The following FNDC3B variants were observed in gnomAD, a reference collection of about 807,000 sequenced individuals.
FNDC3B encodes the protein fibronectin type III domain-containing protein 3B.
FNDC3B carries 12 observed loss-of-function variants against 151.5 expected under a neutral mutation model. The observed-to-expected ratio is 0.08, with a 90% CI of 0.05 to 0.13. FNDC3B has a LOEUF of 0.13. Among genes scored for constraint, FNDC3B ranks in the 10% least tolerant of loss-of-function variants. The probability of loss-of-function intolerance (pLI) is 1.00; values close to 1 mark genes in which losing one functional copy is unlikely to be tolerated. For missense variants in FNDC3B, 1,214 were observed against 1,505.3 expected, an observed-to-expected ratio of 0.81 and a Z score of 3.20; for synonymous variants, 528 against 549.0, an observed-to-expected ratio of 0.96 and a Z score of 0.54.
At chr3:172,174,163 C>T (rs190303182) in intron 3 of FNDC3B, among the ~76,000 whole-genome samples, 116 of 152,252 alleles carry the variant, frequency 7.6e-4, no homozygotes, top group African/African-American at 2.7e-3. Context: ...TACCAAAGAG[C>T]GAATTCATTA....
chr3:172,220,007 C>T (rs1436839389), intron 3 of FNDC3B, among the ~76,000 whole-genome samples: 1 of 152,172 alleles, frequency 6.6e-6, no homozygotes, highest in Non-Finnish European at 1.5e-5. Context: ...GTTACTTTTG[C>T]ACCAACCTAA....
intron 4 of FNDC3B, among the ~76,000 whole-genome samples, chr3:172,239,088 C>T (rs1299221898): frequency 6.6e-6 from 1 of 150,848 alleles, no homozygotes; most frequent in Non-Finnish European, 1.5e-5. Context: ...CTTTCTTATT[C>T]ATTTACTCAT....
At chr3:172,372,868 T>C (rs889887590) in intron 23 of FNDC3B, among the ~76,000 whole-genome samples, 1 of 152,196 alleles carries the variant, frequency 6.6e-6, no homozygotes. Flanking sequence ...GCATTGACTC[T>C]TAAAACAATC....
intron 1 of FNDC3B, among the ~76,000 whole-genome samples, chr3:172,101,525 T>C (rs1303046385): frequency 2.0e-5 from 3 of 152,250 alleles, no homozygotes; most frequent in African/African-American, 7.2e-5. Flanking sequence ...TGATGTTATT[T>C]TATAAGGTAC....
chr3:172,220,469 G>T (rs1043813697), intron 3 of FNDC3B, among the ~76,000 whole-genome samples: 1 of 152,090 alleles, frequency 6.6e-6, no homozygotes, highest in Admixed American at 6.5e-5. Flanking sequence ...TCTATAGGAT[G>T]TGTTTTCATT....
At chr3:172,275,175 C>T (rs1034657462) in intron 6 of FNDC3B, among the ~76,000 whole-genome samples, 14 of 152,152 alleles carry the variant, frequency 9.2e-5, no homozygotes, top group African/African-American at 2.2e-4. Flanking sequence ...TGTGGTTTAT[C>T]GTCTGTAGAG....
intron 3 of FNDC3B, among the ~76,000 whole-genome samples, chr3:172,199,056 T>C (rs1341970671): frequency 6.6e-6 from 1 of 152,176 alleles, no homozygotes; most frequent in East Asian, 1.9e-4. Context: ...CTTAAACTCC[T>C]GGCCTCAAAT....
At chr3:172,226,974 T>A in intron 4 of FNDC3B, 27 bp downstream of exon 4, 1 of 1,414,210 alleles carries the variant, frequency 7.1e-7, no homozygotes, top group Non-Finnish European at 1.0e-6. Flanking sequence ...ACTTCTCTAC[T>A]CACTATGGAC....
intron 21 of FNDC3B, among the ~76,000 whole-genome samples, chr3:172,348,148 C>G (rs1330934840): frequency 6.6e-6 from 1 of 152,144 alleles, no homozygotes; most frequent in Admixed American, 6.5e-5. Flanking sequence ...GGTTGTTGAC[C>G]TTGAAGAGCT....
At chr3:172,273,913 T>C (rs894496886) in intron 6 of FNDC3B, among the ~76,000 whole-genome samples, 2 of 151,950 alleles carry the variant, frequency 1.3e-5, no homozygotes, top group African/African-American at 4.8e-5. Context: ...CAAACAGCGG[T>C]AGTTTATGGT....
intron 9 of FNDC3B, chr3:172,303,187 C>G (rs994066293): frequency 6.6e-6 from 1 of 151,958 alleles, no homozygotes; most frequent in Non-Finnish European, 1.5e-5. Flanking sequence ...ATTACAATGA[C>G]CATTTTACTG....
intron 3 of FNDC3B, among the ~76,000 whole-genome samples, chr3:172,179,250 C>CG (rs11425514): frequency 0.82 from 124,465 of 151,762 alleles, 51,682 homozygotes; most frequent in African/African-American, 0.95. Flanking sequence ...TTAGTAGAGA[C>CG]GGGTTTTCAC....
In FNDC3B at chr3:172,334,937, G is replaced by T; in HGVS notation, c.1642-7G>T. ...ATCATGTTAACGTTTCCTTGGTTGTGTTCTAGCTGACTGCTTCTAATACGG... is the reference window on the plus strand; with the variant it reads ...ATCATGTTAACGTTTCCTTGGTTGTTTTCTAGCTGACTGCTTCTAATACGG... On this transcript the variant is annotated splice_polypyrimidine_tract_variant and splice_region_variant and intron_variant, in intron 14 of 25. Transcript: ENST00000415807. 6.2e-7 allele frequency: 1 copy of T among 1,610,472 alleles called. No homozygotes were observed. Among genetic ancestry groups the T allele is most frequent in the Non-Finnish European group, 8.5e-7 (1 of 1,178,650 alleles).
intron 1 of FNDC3B, among the ~76,000 whole-genome samples, chr3:172,100,910 T>A (rs1300270640): frequency 6.6e-6 from 1 of 152,208 alleles, no homozygotes; most frequent in Non-Finnish European, 1.5e-5. Context: ...ATCAGATAAT[T>A]TTTTGAAAAA....
At chr3:172,226,978 T>A in intron 4 of FNDC3B, 31 bp downstream of exon 4, 1 of 1,372,832 alleles carries the variant, frequency 7.3e-7, no homozygotes, top group Non-Finnish European at 1.0e-6. Context: ...CTCTACTCAC[T>A]ATGGACACTG....
chr3:172,292,142 C>G (rs1268255461), intron 7 of FNDC3B, among the ~76,000 whole-genome samples: 1 of 152,130 alleles, frequency 6.6e-6, no homozygotes, highest in East Asian at 1.9e-4. Context: ...CAAGGGAAAC[C>G]TCGGGCCAAG....
intron 5 of FNDC3B, among the ~76,000 whole-genome samples, chr3:172,248,873 T>TTA (rs1426791099): frequency 4.6e-5 from 7 of 150,900 alleles, no homozygotes; most frequent in Admixed American, 1.3e-4. Context: ...TTTTGTTTAT[T>TTA]TTTTTTTGTA....
intron 22 of FNDC3B, among the ~76,000 whole-genome samples, chr3:172,354,618 CCA>C (rs1734002333): frequency 6.6e-6 from 1 of 151,740 alleles, no homozygotes; most frequent in Non-Finnish European, 1.5e-5. Flanking sequence ...TCTGGTCAAC[CCA>C]CAGTCTTGTT....
chr3:172,064,044 G>A (rs1717360832), intron 1 of FNDC3B, among the ~76,000 whole-genome samples: 1 of 152,148 alleles, frequency 6.6e-6, no homozygotes, highest in Non-Finnish European at 1.5e-5. Context: ...ATGGAAGGCT[G>A]TGGCCGTGAG....
Sources: gnomAD v4.1 joint callset for allele counts (sites outside exome capture counted in the v4.1 genomes callset) on GRCh38, gnomAD v4.1.1 for gene constraint, MANE v1.5 for transcripts, NCBI Gene and HGNC (gene_info 2026-07-23, HGNC 2026-07-21) for gene names.